The following ZMAT5 variants were observed in gnomAD, a reference collection of about 807,000 sequenced individuals.
ZMAT5 encodes zinc finger matrin-type protein 5.
Under a neutral mutation model 28.0 loss-of-function variants are expected in ZMAT5, and 23 were observed. That is an observed-to-expected ratio of 0.82 (90% CI 0.59 to 1.16). The LOEUF is 1.16. ZMAT5 is among the 50% of genes most tolerant of loss of function. ZMAT5 has a pLI of 0.00. For missense variants in ZMAT5, 173 were observed against 212.7 expected, an observed-to-expected ratio of 0.81 and a Z score of 1.16; for synonymous variants, 76 against 84.1, an observed-to-expected ratio of 0.90 and a Z score of 0.52.
chr22:29,742,595 AAG>A, intron 2 of ZMAT5, 115 bp from the exon 3 acceptor site: 20 of 983,946 alleles, frequency 2.0e-5, no homozygotes, highest in Middle Eastern at 2.1e-4. Context: ...GTGCAGAAAG[AAG>A]AGTTTCCTGT....
At chr22:29,763,292 C>CAATAAATA (rs201954354) in intron 1 of ZMAT5, among the ~76,000 whole-genome samples, 192 of 140,646 alleles carry the variant, frequency 1.4e-3, no homozygotes, top group African/African-American at 2.5e-3. Flanking sequence ...GACTCTGCCT[C>CAATAAATA]AATAAATAAA....
intron 4 of ZMAT5, 62 bp from the exon 5 acceptor site, chr22:29,738,503 C>G: frequency 6.7e-7 from 1 of 1,490,204 alleles, no homozygotes; most frequent in South Asian, 1.1e-5. Flanking sequence ...GAACCCTACC[C>G]TCTCACAAAG....
At chr22:29,765,913 C>T (rs2068206251) in intron 1 of ZMAT5, among the ~76,000 whole-genome samples, 1 of 152,200 alleles carries the variant, frequency 6.6e-6, no homozygotes, top group Non-Finnish European at 1.5e-5. Context: ...ACTACAATAA[C>T]TTCCCCCTTG....
At chr22:29,764,839 G>A (rs904497572) in intron 1 of ZMAT5, among the ~76,000 whole-genome samples, 1 of 151,880 alleles carries the variant, frequency 6.6e-6, no homozygotes, top group Non-Finnish European at 1.5e-5. Context: ...CTCACTATAC[G>A]GCCCAGGCTG....
intron 5 of ZMAT5, among the ~76,000 whole-genome samples, chr22:29,738,098 C>T (rs955905668): frequency 6.6e-6 from 1 of 152,166 alleles, no homozygotes; most frequent in African/African-American, 2.4e-5. Flanking sequence ...CCCCTCCAGC[C>T]AGCACAGACT....
chr22:29,763,254 CT>C (rs1429457612), intron 1 of ZMAT5, among the ~76,000 whole-genome samples: 1 of 150,182 alleles, frequency 6.7e-6, no homozygotes, highest in Non-Finnish European at 1.5e-5. Context: ...GATTGCACCA[CT>C]GCACTCCAGC....
At chr22:29,737,734 C>T (rs757618844) in intron 5 of ZMAT5, among the ~76,000 whole-genome samples, 56 of 152,084 alleles carry the variant, frequency 3.7e-4, no homozygotes, top group Non-Finnish European at 5.0e-4. Context: ...ATGTGAATAT[C>T]ACCCGAGGCC....
chr22:29,742,334 G>A, intron 3 of ZMAT5, 84 bp downstream of exon 3: 1 of 1,433,538 alleles, frequency 7.0e-7, no homozygotes, highest in Non-Finnish European at 9.7e-7. Flanking sequence ...CCCGGGTCGG[G>A]GAAGACACTC....
At chr22:29,741,042 C>T (rs1297734227) in intron 3 of ZMAT5, among the ~76,000 whole-genome samples, 1 of 152,192 alleles carries the variant, frequency 6.6e-6, no homozygotes, top group Non-Finnish European at 1.5e-5. Flanking sequence ...CACCAGCCCT[C>T]CCAGCCCTGC....
intron 1 of ZMAT5, among the ~76,000 whole-genome samples, chr22:29,764,699 C>T (rs1882910942): frequency 6.6e-6 from 1 of 152,136 alleles, no homozygotes; most frequent in African/African-American, 2.4e-5. Flanking sequence ...GACAGGGTTT[C>T]ACCATGTTGG....
rs373886112 is a variant in ZMAT5, at chr22:29,763,385, C to T, written c.-28+3487G>A. Among the ~76,000 whole-genome samples the T allele has an allele frequency of 1.5e-4, 22 of 150,828 alleles. No homozygotes were observed. In the South Asian group the frequency reaches 2.1e-3, roughly 14 times the overall value. On this transcript the variant is annotated intron_variant, in intron 1 of 5. Transcript: ENST00000344318. ...TTGGGAGGCCGAGGTGGGTGGATCA[C>T]GAGGTCAGAGATTCAAGACCAGCCT...
chr22:29,746,068 G>A (rs937955376), intron 2 of ZMAT5: 25 of 152,190 alleles, frequency 1.6e-4, no homozygotes, highest in African/African-American at 6.0e-4. Flanking sequence ...CACCTCTTGG[G>A]GTCAAGTGAT....
At chr22:29,748,264 T>C in intron 2 of ZMAT5, 154 bp downstream of exon 2, 1 of 1,052,382 alleles carries the variant, frequency 9.5e-7, no homozygotes, top group Non-Finnish European at 1.4e-6. Context: ...CCTACCAGCC[T>C]GCTCCTCTGA....
Position 29,748,485 on chromosome 22 carries a change from G to A in ZMAT5, c.60C>T (p.Asn20=), listed in dbSNP as rs778513479. 6.8e-6 allele frequency: 11 copies of A among 1,614,164 alleles called. No individual in the cohort carries two copies. The Admixed American group carries it at 1.5e-4, about 22-fold the overall frequency. Residue 20 remains asparagine, a synonymous_variant, in exon 2 of 6, where the codon AAC becomes AAT. Transcript: ENST00000344318. The part of the protein sequence containing the change: ...CDRSFQDNLH[N]RKKHLNGLQH... ...GCAGCCCGTTCAGGTGCTTCTTGCG[G>A]TTGTGGAGGTTGTCCTGGAAGGAGC... is the stretch of plus-strand genomic sequence containing the variant.
intron 3 of ZMAT5, among the ~76,000 whole-genome samples, 175 bp downstream of exon 3, chr22:29,742,243 G>A (rs1548684): frequency 0.061 from 9,226 of 152,206 alleles, 398 homozygotes; most frequent in Non-Finnish European, 0.088. Context: ...CAGACTCTAG[G>A]AGGTCCTGAG....
At chr22:29,756,151 A>G (rs1455490713) in intron 1 of ZMAT5, among the ~76,000 whole-genome samples, 1 of 152,200 alleles carries the variant, frequency 6.6e-6, no homozygotes, top group African/African-American at 2.4e-5. Flanking sequence ...CCTGAAGCTC[A>G]CCTGTTATTT....
chr22:29,765,547 A>G (rs1255417335), intron 1 of ZMAT5, among the ~76,000 whole-genome samples: 1 of 151,940 alleles, frequency 6.6e-6, no homozygotes, highest in Non-Finnish European at 1.5e-5. Flanking sequence ...AAATCTGATC[A>G]CTGCCCTGCT....
chr22:29,758,325 G>A (rs1018227942), intron 1 of ZMAT5, among the ~76,000 whole-genome samples: 2 of 152,178 alleles, frequency 1.3e-5, no homozygotes, highest in African/African-American at 4.8e-5. Flanking sequence ...ATAAAAGTTT[G>A]TTGCTTTAGG....
At chr22:29,745,831 T>G (rs1323140104) in intron 2 of ZMAT5, among the ~76,000 whole-genome samples, 1 of 152,186 alleles carries the variant, frequency 6.6e-6, no homozygotes, top group Non-Finnish European at 1.5e-5. Context: ...ACACGGTATA[T>G]CCGCAAGTCC....
Sources: allele counts gnomAD v4.1 joint callset (sites outside exome capture counted in the v4.1 genomes callset), GRCh38; gene constraint gnomAD v4.1.1; transcripts MANE v1.5; gene names NCBI Gene and HGNC (gene_info 2026-07-23, HGNC 2026-07-21).